Variants in CALN1 observed in about 807,000 individuals in gnomAD.
CALN1 encodes the protein calneuron 1.
In CALN1, 17 loss-of-function variants were observed where a neutral mutation model predicts 30.6. The ratio of observed to expected loss-of-function variants is 0.56; its 90% CI spans 0.38 to 0.83. CALN1 has a LOEUF of 0.83. Ranked by LOEUF, CALN1 falls within the 40% of genes least tolerant of loss-of-function variation. The pLI is 0.00. For missense variants in CALN1, 291 were observed against 354.9 expected, an observed-to-expected ratio of 0.82 and a Z score of 1.45; for synonymous variants, 156 against 131.4, an observed-to-expected ratio of 1.19 and a Z score of -1.28.
intron 3 of CALN1, among the ~76,000 whole-genome samples, chr7:72,197,659 G>C (rs781053553): frequency 9.9e-5 from 15 of 152,028 alleles, no homozygotes; most frequent in East Asian, 5.8e-4. Context: ...GTGAGTTCTT[G>C]TCCCTACAAA....
intron 3 of CALN1, among the ~76,000 whole-genome samples, chr7:72,160,990 T>C (rs1382149839): frequency 6.6e-6 from 1 of 152,164 alleles, no homozygotes; most frequent in Non-Finnish European, 1.5e-5. Flanking sequence ...CAATGAAACC[T>C]AACCAAGTTA....
At chr7:72,462,145 T>G in the CALN1 span, among the ~76,000 whole-genome samples, 7 of 152,000 alleles carry the variant, frequency 4.6e-5, no homozygotes, top group African/African-American at 1.7e-4. Flanking sequence ...TGTGGTCCCT[T>G]TATTTAATTT....
intron 4 of CALN1, among the ~76,000 whole-genome samples, chr7:72,102,358 T>C (rs934351937): frequency 6.6e-6 from 1 of 152,082 alleles, no homozygotes; most frequent in Non-Finnish European, 1.5e-5. Flanking sequence ...GGCAGGAGAA[T>C]AGCTTCAATC....
At chr7:72,367,140 A>G (rs111259396) in intron 2 of CALN1, among the ~76,000 whole-genome samples, 3 of 152,292 alleles carry the variant, frequency 2.0e-5, no homozygotes, top group African/African-American at 4.8e-5. Flanking sequence ...AACCTATGTC[A>G]TTAGAAGTCA....
At chr7:72,240,037 A>G (rs763464676) in intron 3 of CALN1, among the ~76,000 whole-genome samples, 1 of 152,094 alleles carries the variant, frequency 6.6e-6, no homozygotes, top group Non-Finnish European at 1.5e-5. Context: ...TGGGTAAACA[A>G]CTCAACAATC....
chr7:71,863,268 GA>G (rs548014439), intron 5 of CALN1, among the ~76,000 whole-genome samples: 1 of 149,858 alleles, frequency 6.7e-6, no homozygotes, highest in Non-Finnish European at 1.5e-5. Flanking sequence ...CTCTCTCTCA[GA>G]AAAAAAGGCC....
intron 2 of CALN1, among the ~76,000 whole-genome samples, chr7:72,354,648 A>G (rs188964421): frequency 1.2e-4 from 19 of 152,324 alleles, no homozygotes; most frequent in Admixed American, 4.6e-4. Flanking sequence ...CGTGTGACCA[A>G]TTAGTTTTTC....
At chr7:72,038,380 T>G (rs1267514644) in intron 4 of CALN1, among the ~76,000 whole-genome samples, 1 of 152,014 alleles carries the variant, frequency 6.6e-6, no homozygotes, top group Non-Finnish European at 1.5e-5. Context: ...TCTATTTTTT[T>G]TTTTTTCTTT....
chr7:72,221,549 A>G (rs971616875), intron 3 of CALN1, among the ~76,000 whole-genome samples: 2 of 152,098 alleles, frequency 1.3e-5, no homozygotes, highest in Non-Finnish European at 2.9e-5. Context: ...TTGTTTTTCC[A>G]TAGTTCACTA....
At chr7:72,126,409 C>T (rs1219664991) in intron 3 of CALN1, among the ~76,000 whole-genome samples, 2 of 151,530 alleles carry the variant, frequency 1.3e-5, no homozygotes, top group Admixed American at 6.6e-5. Context: ...GAAGAAAGAT[C>T]CACAAGGCTT....
In CALN1 at chr7:72,154,544, A is replaced by T. The variant is rs550598522; in HGVS notation, c.245-48250T>A. ...TCTCTACACAACACTCTTATTTGCA[A>T]AGGGCACTGAACACCCGAGATGTAA... On this transcript the variant is annotated intron_variant, in intron 3 of 6. Coordinates refer to ENST00000395275, the MANE Select transcript of CALN1 (RefSeq NM_031468.4). Among the ~76,000 whole-genome samples the T allele has an allele frequency of 2.6e-5, 4 of 152,294 alleles. No individual in the cohort carries two copies. The South Asian group carries it at 8.3e-4, about 32-fold the overall frequency.
chr7:72,021,021 A>T (rs1800673151), intron 5 of CALN1, among the ~76,000 whole-genome samples: 1 of 152,172 alleles, frequency 6.6e-6, no homozygotes, highest in Admixed American at 6.5e-5. Context: ...CTGTAAACTC[A>T]GCACTTTAGG....
At chr7:72,388,026 G>A (rs1805346293) in intron 2 of CALN1, among the ~76,000 whole-genome samples, 1 of 152,284 alleles carries the variant, frequency 6.6e-6, no homozygotes, top group East Asian at 1.9e-4. Flanking sequence ...CTAGGTTGGT[G>A]CAAAAGTAAT....
chr7:72,216,910 C>T (rs111621396), intron 3 of CALN1, among the ~76,000 whole-genome samples: 29,950 of 107,700 alleles, frequency 0.28, 3,861 homozygotes, highest in Middle Eastern at 0.39. Flanking sequence ...TGCCACCACA[C>T]CCACTGATTT....
rs917704990 is a variant in CALN1, at chr7:72,272,735, A to C, written c.244+5951T>G. ...AAGACTGACTCACCACAATACATTG[A>C]CAGTAAATCATGCAGTCACTCCCTA... On this transcript the variant is annotated intron_variant, in intron 3 of 6. Transcript: ENST00000395275. Among the ~76,000 whole-genome samples the C allele has an allele frequency of 2.0e-5, 3 of 152,302 alleles. No homozygotes were observed. The East Asian group carries it at 5.8e-4, about 29-fold the overall frequency.
intron 3 of CALN1, among the ~76,000 whole-genome samples, chr7:72,234,274 T>C (rs1585228672): frequency 6.6e-6 from 1 of 151,836 alleles, no homozygotes; most frequent in African/African-American, 2.4e-5. Flanking sequence ...ACAAGAAACT[T>C]CCCCGGGAGC....
intron 2 of CALN1, among the ~76,000 whole-genome samples, chr7:72,326,115 C>G (rs1416696475): frequency 2.6e-5 from 4 of 152,182 alleles, no homozygotes. Flanking sequence ...GTTGGCCAGG[C>G]TGGTCTCGAA....
At chr7:72,085,125 T>A (rs1041493465) in intron 4 of CALN1, among the ~76,000 whole-genome samples, 4 of 152,150 alleles carry the variant, frequency 2.6e-5, no homozygotes, top group Non-Finnish European at 5.9e-5. Flanking sequence ...CCAAACGCTA[T>A]GTCATTATGC....
At chr7:72,465,146 A>G in the CALN1 span, among the ~76,000 whole-genome samples, 15 of 152,144 alleles carry the variant, frequency 9.9e-5, no homozygotes, top group Non-Finnish European at 1.9e-4. Context: ...AAGAGGAAAG[A>G]ATTCAGAGGT....
Sources: gnomAD v4.1 joint callset for allele counts (sites outside exome capture counted in the v4.1 genomes callset) on GRCh38, gnomAD v4.1.1 for gene constraint, MANE v1.5 for transcripts, NCBI Gene and HGNC (gene_info 2026-07-23, HGNC 2026-07-21) for gene names.